The following NREP variants were observed in gnomAD, a reference collection of about 807,000 sequenced individuals.
NREP encodes the protein neuronal regeneration-related protein.
Under a neutral mutation model 8.6 loss-of-function variants are expected in NREP, and 5 were observed. The ratio of observed to expected loss-of-function variants is 0.58; its 90% CI spans 0.30 to 1.22. NREP has a LOEUF of 1.22. Among genes scored for constraint, NREP ranks in the 50% most tolerant of loss-of-function variants. The pLI, the probability that NREP is intolerant of heterozygous loss-of-function variation, is 0.07. For synonymous variants in NREP, 27 were observed against 28.0 expected (o/e 0.96, Z 0.11); for missense variants, 86 against 82.5 (o/e 1.04, Z -0.17).
intron 2 of NREP, among the ~76,000 whole-genome samples, chr5:111,927,619 T>C (rs1317290162): frequency 1.3e-5 from 2 of 152,196 alleles, no homozygotes; most frequent in South Asian, 4.1e-4. Context: ...TGTAAAAATA[T>C]AGATTTACTG....
intron 2 of NREP, among the ~76,000 whole-genome samples, chr5:111,831,988 C>G (rs191870073): frequency 6.6e-6 from 1 of 152,226 alleles, no homozygotes; most frequent in African/African-American, 2.4e-5. Flanking sequence ...CAAAGGGTCT[C>G]TATGAGTGTT....
intron 2 of NREP, among the ~76,000 whole-genome samples, chr5:111,843,886 T>A (rs73789548): frequency 0.063 from 9,624 of 152,244 alleles, 897 homozygotes; most frequent in African/African-American, 0.21. Flanking sequence ...CAGAGGATAG[T>A]CTAAGGCCTG....
At chr5:111,946,803 G>T (rs1405364771) in intron 2 of NREP, among the ~76,000 whole-genome samples, 1 of 152,070 alleles carries the variant, frequency 6.6e-6, no homozygotes, top group Non-Finnish European at 1.5e-5. Context: ...CCTGCTAGGA[G>T]AAGATCAGGT....
intron 2 of NREP, among the ~76,000 whole-genome samples, chr5:111,927,303 C>T (rs1303858108): frequency 1.3e-5 from 2 of 152,114 alleles, no homozygotes; most frequent in Non-Finnish European, 2.9e-5. Context: ...ATGAGCTCAG[C>T]ATCCAATCAA....
chr5:111,792,101 T>C (rs975264040), intron 2 of NREP, among the ~76,000 whole-genome samples: 1 of 152,224 alleles, frequency 6.6e-6, no homozygotes, highest in African/African-American at 2.4e-5. Context: ...TCTGTTTCTC[T>C]GGAAGAACAA....
rs531995279 is a variant in NREP, at chr5:111,767,907, C to A, written c.136-32400G>T. Among the ~76,000 whole-genome samples, 3 of 152,208 alleles carry A rather than the reference C, an allele frequency of 2.0e-5. No individual in the cohort carries two copies. In the East Asian group the frequency reaches 5.8e-4, roughly 29 times the overall value. On this transcript the variant is annotated intron_variant, in intron 2 of 3. Transcript: ENST00000395634. ...CTCAAACTCCTGGGCTCAAGTGATC[C>A]TCCTGCCTCGGCCTCCTAAAGTGCT...
At chr5:111,903,916 T>G (rs908447582) in intron 2 of NREP, among the ~76,000 whole-genome samples, 1 of 152,174 alleles carries the variant, frequency 6.6e-6, no homozygotes, top group Non-Finnish European at 1.5e-5. Context: ...CCTGGTGGTT[T>G]TACTTTTTTA....
intron 2 of NREP, among the ~76,000 whole-genome samples, chr5:111,914,957 C>T (rs535775598): frequency 2.0e-5 from 3 of 152,094 alleles, no homozygotes; most frequent in Non-Finnish European, 4.4e-5. Context: ...GTCTCTTGAA[C>T]TATGTCTATG....
At chr5:111,897,602 A>G (rs1318059381) in intron 2 of NREP, among the ~76,000 whole-genome samples, 2 of 151,966 alleles carry the variant, frequency 1.3e-5, no homozygotes, top group Non-Finnish European at 2.9e-5. Context: ...GACTTCTTTG[A>G]TGTCATCCTA....
chr5:111,917,065 C>T (rs1235777141), intron 2 of NREP, among the ~76,000 whole-genome samples: 5 of 152,116 alleles, frequency 3.3e-5, no homozygotes, highest in African/African-American at 1.2e-4. Flanking sequence ...GGCATACTTT[C>T]GGGGTCTTGT....
intron 2 of NREP, among the ~76,000 whole-genome samples, chr5:111,917,622 C>A (rs112007486): frequency 0.064 from 9,692 of 152,114 alleles, 717 homozygotes; most frequent in East Asian, 0.23. Flanking sequence ...TGATTATCTC[C>A]ATAGATGCAG....
intron 2 of NREP, among the ~76,000 whole-genome samples, chr5:111,883,970 T>A (rs375791589): frequency 0.059 from 9,003 of 151,446 alleles, 639 homozygotes; most frequent in East Asian, 0.23. Flanking sequence ...AAATAACTAA[T>A]ATCAGAGCAG....
At chr5:111,966,495 T>C (rs773274614) in intron 2 of NREP, among the ~76,000 whole-genome samples, 3 of 152,142 alleles carry the variant, frequency 2.0e-5, no homozygotes, top group African/African-American at 4.8e-5. Flanking sequence ...GATATAGAGC[T>C]AATAAGATCT....
At chr5:111,966,303 T>C (rs942037944) in intron 2 of NREP, among the ~76,000 whole-genome samples, 7 of 152,194 alleles carry the variant, frequency 4.6e-5, no homozygotes, top group Admixed American at 1.3e-4. Context: ...AGAATATCTA[T>C]TGATTAAAAT....
intron 2 of NREP, among the ~76,000 whole-genome samples, chr5:111,958,125 T>G (rs967108273): frequency 6.6e-6 from 1 of 151,986 alleles, no homozygotes; most frequent in South Asian, 2.1e-4. Flanking sequence ...CATTATATCA[T>G]AAAATTTATG....
In NREP at chr5:111,955,508, A is replaced by C. The variant is rs558721792; in HGVS notation, c.135+19766T>G. The stretch of plus-strand genomic sequence containing the variant: ...AAAAAACAAAAAACAAAAAAAAAAA[A>C]CACATTCGGTTCTAAGACTTGTGAT... On this transcript the variant is annotated intron_variant, in intron 2 of 3. Coordinates refer to the NREP transcript ENST00000395634. Among the ~76,000 whole-genome samples the C allele has an allele frequency of 6.3e-3, 914 of 144,092 alleles. 6 individuals are homozygous for C. Among genetic ancestry groups the C allele is most frequent in the African/African-American group, 0.02 (811 of 39,998 alleles). The allele number at this position is 144,092 out of a possible 152,430, so 94.5% of individuals were successfully genotyped here.
intron 2 of NREP, among the ~76,000 whole-genome samples, chr5:111,813,665 T>C (rs1752318038): frequency 6.6e-6 from 1 of 152,176 alleles, no homozygotes; most frequent in African/African-American, 2.4e-5. Flanking sequence ...ATACTATTTT[T>C]AGTAATTGAC....
chr5:111,859,205 TTATC>T (rs1753492278), intron 2 of NREP, among the ~76,000 whole-genome samples: 2 of 152,238 alleles, frequency 1.3e-5, no homozygotes, highest in African/African-American at 4.8e-5. Context: ...TGAAAAGCCT[TTATC>T]TAGGAAGGAG....
rs540481708 is a variant in NREP at position 111,891,386 on chromosome 5, T to A, written c.135+83888A>T. Among the ~76,000 whole-genome samples, 20 of 152,324 alleles carry A rather than the reference T, an allele frequency of 1.3e-4. No homozygotes were observed. The East Asian group carries it at 3.1e-3, about 23-fold the overall frequency. ...TTAGTCACAATCATTTAACAGTCTC[T>A]AAAAAATTTCAAATGTTCCCTCATC... On this transcript the variant is annotated intron_variant, in intron 2 of 3. Coordinates refer to the NREP transcript ENST00000395634.
Sources: allele counts gnomAD v4.1 joint callset (sites outside exome capture counted in the v4.1 genomes callset), GRCh38; gene constraint gnomAD v4.1.1; transcripts MANE v1.5; gene names NCBI Gene and HGNC (gene_info 2026-07-23, HGNC 2026-07-21).